Variants in FAM227B observed in about 807,000 individuals in gnomAD.
FAM227B encodes family with sequence similarity 227 member B.
A neutral mutation model predicts 73.8 loss-of-function variants in FAM227B; 88 were observed. That is an observed-to-expected ratio of 1.19 (90% CI 1.00 to 1.42). The LOEUF is 1.42. Ranked by LOEUF, FAM227B falls within the 40% of genes most tolerant of loss-of-function variation. The pLI is 0.00. For synonymous variants in FAM227B, 210 were observed against 190.5 expected (o/e 1.10, Z -0.84); for missense variants, 632 against 590.9 (o/e 1.07, Z -0.72).
chr15:49,552,265 G>A (rs1177494601), intron 9 of FAM227B, among the ~76,000 whole-genome samples: 1 of 152,104 alleles, frequency 6.6e-6, no homozygotes, highest in Non-Finnish European at 1.5e-5. Flanking sequence ...ACTACTTTGG[G>A]TAAATGTTTT....
intron 11 of FAM227B, among the ~76,000 whole-genome samples, chr15:49,377,591 C>A (rs776934035): frequency 6.6e-6 from 1 of 152,104 alleles, no homozygotes; most frequent in Non-Finnish European, 1.5e-5. Flanking sequence ...TTTTGATTTG[C>A]ATTTCTCTGA....
intron 11 of FAM227B, chr15:49,424,110 T>A (rs2049918938): frequency 2.1e-6 from 1 of 479,696 alleles, no homozygotes; most frequent in East Asian, 3.1e-5. Flanking sequence ...CAGAGTTATT[T>A]AAGGAGGAAT....
At chr15:49,601,819 C>T (rs1405803752) in intron 3 of FAM227B, among the ~76,000 whole-genome samples, 3 of 152,190 alleles carry the variant, frequency 2.0e-5, no homozygotes, top group South Asian at 2.1e-4. Context: ...TTTCTGGTAA[C>T]CCTCCTTCTG....
At chr15:49,518,523 G>C (rs1401211582) in intron 10 of FAM227B, among the ~76,000 whole-genome samples, 1 of 152,084 alleles carries the variant, frequency 6.6e-6, no homozygotes, top group Non-Finnish European at 1.5e-5. Context: ...CACACGGCTG[G>C]GGAGGCCGCA....
chr15:49,561,886 T>C (rs1360315549), intron 9 of FAM227B, among the ~76,000 whole-genome samples: 10 of 152,028 alleles, frequency 6.6e-5, no homozygotes, highest in African/African-American at 1.9e-4. Context: ...AACACCTACA[T>C]AGAGAAGTTA....
At chr15:49,342,073 C>T (rs2040820501) in intron 13 of FAM227B, among the ~76,000 whole-genome samples, 1 of 151,998 alleles carries the variant, frequency 6.6e-6, no homozygotes, top group South Asian at 2.1e-4. Context: ...TAAATCAAGT[C>T]CTGAGTTTTT....
At chr15:49,596,918 T>C (rs900969997) in intron 3 of FAM227B, among the ~76,000 whole-genome samples, 1 of 151,738 alleles carries the variant, frequency 6.6e-6, no homozygotes, top group Non-Finnish European at 1.5e-5. Context: ...AACAGGAAAA[T>C]ATCACAATCC....
chr15:49,344,357 T>A (rs113787067), intron 13 of FAM227B: 25 of 152,338 alleles, frequency 1.6e-4, no homozygotes, highest in African/African-American at 5.8e-4. Context: ...AATTTATGCA[T>A]TCAAGTTTTA....
intron 13 of FAM227B, among the ~76,000 whole-genome samples, chr15:49,367,012 A>C (rs544568336): frequency 1.3e-5 from 2 of 152,300 alleles, no homozygotes; most frequent in South Asian, 2.1e-4. Context: ...CATAAAAATA[A>C]ATTTTTTAAT....
intron 11 of FAM227B, among the ~76,000 whole-genome samples, chr15:49,471,743 A>G (rs566526766): frequency 3.9e-5 from 6 of 152,092 alleles, no homozygotes; most frequent in Non-Finnish European, 5.9e-5. Flanking sequence ...AGCTGACATT[A>G]GGTAATTTCT....
In FAM227B at chr15:49,489,901, GA is replaced by G. The variant is rs2056917902; in HGVS notation, c.1012+18309del. ...ATATATATAGAGAGAGAGAGAGAGA[GA>G]GAGAGAGAGAGACAGAGAGAGAGAC... On this transcript the variant is annotated intron_variant, in intron 11 of 15. Transcript: ENST00000299338. Among the ~76,000 whole-genome samples the G allele has an allele frequency of 1.4e-4, 4 of 29,422 alleles. No homozygotes were observed. In the Admixed American group the frequency reaches 2.4e-3, roughly 18 times the overall value. The allele number at this position is 29,422 out of a possible 152,430, so 19.3% of individuals were successfully genotyped here. A position where few individuals can be genotyped will look rare whatever the true frequency, so the allele number is the denominator to read the frequency against.
intron 11 of FAM227B, chr15:49,487,118 C>G (rs375278216): frequency 2.0e-5 from 3 of 151,794 alleles, no homozygotes; most frequent in East Asian, 3.9e-4. Flanking sequence ...TATGTCTTGG[C>G]AATGCACTTC....
intron 11 of FAM227B, among the ~76,000 whole-genome samples, chr15:49,394,786 G>T (rs934960746): frequency 6.6e-6 from 1 of 152,148 alleles, no homozygotes; most frequent in African/African-American, 2.4e-5. Flanking sequence ...AGGTAATAAA[G>T]TCTATATATT....
chr15:49,557,836 C>T (rs896875733), intron 9 of FAM227B, among the ~76,000 whole-genome samples: 2 of 152,246 alleles, frequency 1.3e-5, no homozygotes, highest in Non-Finnish European at 2.9e-5. Context: ...TTGAAGCCCA[C>T]ATGGGGCCCT....
intron 11 of FAM227B, among the ~76,000 whole-genome samples, chr15:49,407,057 G>A (rs1024476587): frequency 2.6e-5 from 4 of 152,152 alleles, no homozygotes; most frequent in Admixed American, 6.5e-5. Context: ...CAGAGTTCAG[G>A]TCCGACAGTT....
At chr15:49,331,498 A>G (rs2038744149) in intron 15 of FAM227B, 1 of 351,706 alleles carries the variant, frequency 2.8e-6, no homozygotes, top group South Asian at 5.1e-5. Flanking sequence ...TTTAAACATC[A>G]GTGATTATTA....
intron 14 of FAM227B, chr15:49,334,282 T>C: frequency 1.0e-6 from 1 of 975,998 alleles, no homozygotes; most frequent in Non-Finnish European, 1.2e-6. Context: ...TCATTAATTC[T>C]GAGCTTTTCC....
chr15:49,465,372 G>C (rs946249400), intron 11 of FAM227B, among the ~76,000 whole-genome samples: 3 of 151,230 alleles, frequency 2.0e-5, no homozygotes, highest in Non-Finnish European at 4.4e-5. Context: ...CTGAGCTCAA[G>C]TGATCTGCCC....
intron 3 of FAM227B, among the ~76,000 whole-genome samples, chr15:49,599,252 A>G (rs1179660153): frequency 6.6e-6 from 1 of 152,050 alleles, no homozygotes; most frequent in African/African-American, 2.4e-5. Context: ...GTAGCCTACT[A>G]TAATTATTTA....
Sources: allele counts gnomAD v4.1 joint callset (sites outside exome capture counted in the v4.1 genomes callset), GRCh38; gene constraint gnomAD v4.1.1; transcripts MANE v1.5; gene names NCBI Gene and HGNC (gene_info 2026-07-23, HGNC 2026-07-21).